The following PARD3 variants were observed in gnomAD, a reference collection of about 807,000 sequenced individuals.
PARD3 encodes the protein partitioning defective 3 homolog.
PARD3 carries 75 observed loss-of-function variants against 155.4 expected under a neutral mutation model. The observed-to-expected ratio is 0.48, with a 90% CI of 0.40 to 0.58. The LOEUF (loss-of-function observed/expected upper bound fraction) is 0.58. Among genes scored for constraint, PARD3 ranks in the 20% least tolerant of loss-of-function variants. The pLI is 0.00. For synonymous variants in PARD3, 576 were observed against 610.5 expected (o/e 0.94, Z 0.83); for missense variants, 1,642 against 1,721.7 (o/e 0.95, Z 0.82).
Position 34,607,982 on chromosome 10 carries a change from C to T in PARD3, c.222+88336G>A, listed in dbSNP as rs546371948. 2.7e-3 allele frequency among the ~76,000 whole-genome samples: 409 copies of T among 152,252 alleles called. 3 individuals carry two copies. Among genetic ancestry groups the T allele is most frequent in the African/African-American group, 9.6e-3 (400 of 41,534 alleles). On this transcript the variant is annotated intron_variant, in intron 2 of 24. Coordinates refer to ENST00000374788, the MANE Select transcript of PARD3 (RefSeq NM_001184785.2). ...AAATTCTTAATTTTTGAACAAAGTG[C>T]CCTGCACTTTCATTCTGCACTGTGT...
At chr10:34,633,445 T>G (rs917982837) in intron 2 of PARD3, among the ~76,000 whole-genome samples, 14 of 152,138 alleles carry the variant, frequency 9.2e-5, no homozygotes, top group Non-Finnish European at 1.9e-4. Context: ...CAGGCAGTAT[T>G]TGTCTTTCTG....
intron 2 of PARD3, among the ~76,000 whole-genome samples, chr10:34,600,254 AG>A (rs1171324535): frequency 1.3e-5 from 2 of 152,128 alleles, no homozygotes; most frequent in African/African-American, 2.4e-5. Flanking sequence ...GTTAAGGTGA[AG>A]GATCGCCTGA....
chr10:34,523,966 G>T (rs968082998), intron 2 of PARD3, among the ~76,000 whole-genome samples: 1 of 151,906 alleles, frequency 6.6e-6, no homozygotes, highest in African/African-American at 2.4e-5. Context: ...TTATAAATTA[G>T]ATCAAGTATT....
chr10:34,450,595 A>G (rs891871068), intron 4 of PARD3, 147 bp from the exon 5 acceptor site: 1 of 747,936 alleles, frequency 1.3e-6, no homozygotes, highest in Admixed American at 3.0e-5. Context: ...GATTGAGGAC[A>G]TTCCACCCAG....
chr10:34,287,582 G>T (rs1956461070), intron 20 of PARD3, among the ~76,000 whole-genome samples: 1 of 152,152 alleles, frequency 6.6e-6, no homozygotes, highest in East Asian at 1.9e-4. Context: ...AAACAGTGTA[G>T]ATATTTTCAG....
chr10:34,476,495 G>A (rs1198524206), intron 3 of PARD3, among the ~76,000 whole-genome samples: 2 of 152,052 alleles, frequency 1.3e-5, no homozygotes, highest in Non-Finnish European at 2.9e-5. Context: ...TGATCTTAGT[G>A]ATCCCTTAGG....
chr10:34,265,640 G>A (rs185080667), intron 22 of PARD3, among the ~76,000 whole-genome samples: 49 of 152,290 alleles, frequency 3.2e-4, no homozygotes, highest in South Asian at 2.5e-3. Context: ...TAATCTCTGC[G>A]GAGTTCCAAG....
At chr10:34,758,124 A>G (rs1836982128) in intron 1 of PARD3, among the ~76,000 whole-genome samples, 1 of 152,212 alleles carries the variant, frequency 6.6e-6, no homozygotes, top group African/African-American at 2.4e-5. Context: ...TGCTATAATT[A>G]TCTACATGGG....
At chr10:34,724,224 A>AT (rs893809745) in intron 1 of PARD3, among the ~76,000 whole-genome samples, 71 of 151,410 alleles carry the variant, frequency 4.7e-4, no homozygotes, top group African/African-American at 1.2e-3. Flanking sequence ...CTCTCAGGGT[A>AT]TTTTTTTTTA....
chr10:34,513,686 T>C (rs1295477119), intron 3 of PARD3, among the ~76,000 whole-genome samples: 2 of 152,252 alleles, frequency 1.3e-5, no homozygotes, highest in African/African-American at 2.4e-5. Flanking sequence ...TTCAATATAC[T>C]GGAATCAACA....
chr10:34,119,572 G>A (rs1367730430), intron 24 of PARD3, 41 bp downstream of exon 24: 2 of 1,558,280 alleles, frequency 1.3e-6, no homozygotes, highest in Admixed American at 3.5e-5. Context: ...GGATCTTAAA[G>A]GGCCGGGGGG....
chr10:34,436,591 A>C (rs2076199902), intron 5 of PARD3, among the ~76,000 whole-genome samples: 1 of 144,062 alleles, frequency 6.9e-6, no homozygotes, highest in African/African-American at 2.4e-5. Flanking sequence ...GTAAACATAC[A>C]ATTTCATTTT....
At position 34,484,094 on chromosome 10, in the gene PARD3, G is replaced by A. The variant is rs568909068; in HGVS notation, c.404-13831C>T. On this transcript the variant is annotated intron_variant, in intron 3 of 24. Coordinates refer to ENST00000374788, the MANE Select transcript of PARD3 (RefSeq NM_001184785.2). ...CAGCAAAATCACCAGCAAAAAGCACGAAAAACATGGCACCAAATAGCCCAT... is the reference window on the plus strand; with the variant it reads ...CAGCAAAATCACCAGCAAAAAGCACAAAAAACATGGCACCAAATAGCCCAT... Among the ~76,000 whole-genome samples the A allele has an allele frequency of 7.2e-5, 11 of 152,222 alleles. 1 individual carries two copies. In the South Asian group the frequency reaches 8.3e-4, roughly 11 times the overall value.
intron 5 of PARD3, among the ~76,000 whole-genome samples, chr10:34,409,241 A>T (rs540730426): frequency 6.6e-6 from 1 of 152,298 alleles, no homozygotes; most frequent in African/African-American, 2.4e-5. Flanking sequence ...AAGCTATCTA[A>T]CCACAGAGAA....
chr10:34,434,745 T>C (rs536098911), intron 5 of PARD3, among the ~76,000 whole-genome samples: 1 of 152,274 alleles, frequency 6.6e-6, no homozygotes, highest in South Asian at 2.1e-4. Flanking sequence ...TTGCCAAGAT[T>C]AGAGGCATAC....
chr10:34,340,311 G>T (rs994738544), intron 16 of PARD3, among the ~76,000 whole-genome samples: 1 of 152,100 alleles, frequency 6.6e-6, no homozygotes, highest in Non-Finnish European at 1.5e-5. Flanking sequence ...GATGAACACT[G>T]CGTCTATCTA....
chr10:34,782,965 T>C (rs1455031540), intron 1 of PARD3, among the ~76,000 whole-genome samples: 1 of 152,094 alleles, frequency 6.6e-6, no homozygotes, highest in Non-Finnish European at 1.5e-5. Flanking sequence ...CCTCAGATGA[T>C]CCACCTACCT....
chr10:34,575,662 A>G (rs1469750315), intron 2 of PARD3, among the ~76,000 whole-genome samples: 1 of 152,124 alleles, frequency 6.6e-6, no homozygotes, highest in African/African-American at 2.4e-5. Flanking sequence ...TTGGGAGGCC[A>G]AGGTGGGCAG....
chr10:34,740,599 C>T (rs1486154712), intron 1 of PARD3, among the ~76,000 whole-genome samples: 1 of 152,022 alleles, frequency 6.6e-6, no homozygotes, highest in Non-Finnish European at 1.5e-5. Context: ...ACTCCTCCTA[C>T]CTGTCAGCTC....
Sources: allele counts gnomAD v4.1 joint callset (sites outside exome capture counted in the v4.1 genomes callset), GRCh38; gene constraint gnomAD v4.1.1; transcripts MANE v1.5; gene names NCBI Gene and HGNC (gene_info 2026-07-23, HGNC 2026-07-21).